Variants in SH3D19 observed in about 807,000 individuals in gnomAD.
SH3D19 encodes SH3 domain containing 19.
A neutral mutation model predicts 112.1 loss-of-function variants in SH3D19; 58 were observed. That is an observed-to-expected ratio of 0.52 (90% CI 0.42 to 0.64). SH3D19 has a LOEUF of 0.64. SH3D19 is among the 30% of genes least tolerant of loss of function. SH3D19 has a pLI of 0.00. For synonymous variants in SH3D19, 391 were observed against 448.5 expected (o/e 0.87, Z 1.62); for missense variants, 1,090 against 1,263.4 (o/e 0.86, Z 2.08).
At chr4:151,257,957 A>G (rs778463562) in intron 1 of SH3D19, among the ~76,000 whole-genome samples, 10 of 152,236 alleles carry the variant, frequency 6.6e-5, no homozygotes, top group Non-Finnish European at 1.2e-4. Context: ...AGAGCCAGGA[A>G]TGAGGCTGAA....
At chr4:151,134,859 T>C (rs925991725) in intron 15 of SH3D19, among the ~76,000 whole-genome samples, 2 of 152,206 alleles carry the variant, frequency 1.3e-5, no homozygotes, top group African/African-American at 4.8e-5. Flanking sequence ...AAATAAAGAA[T>C]AAATAAATAA....
At chr4:151,301,564 GCT>G (rs1728432617) in intron 1 of SH3D19, among the ~76,000 whole-genome samples, 1 of 152,018 alleles carries the variant, frequency 6.6e-6, no homozygotes, top group Admixed American at 6.5e-5. Context: ...GGCACTCCCC[GCT>G]CTCTCTCTTC....
At chr4:151,195,993 C>T (rs77852985) in intron 2 of SH3D19, among the ~76,000 whole-genome samples, 9,278 of 151,058 alleles carry the variant, frequency 0.061, 451 homozygotes, top group East Asian at 0.19. Flanking sequence ...TATATATATG[C>T]AAAGGGGTGA....
intron 8 of SH3D19, 68 bp from the exon 9 acceptor site, chr4:151,159,420 C>A: frequency 2.1e-6 from 2 of 934,014 alleles, no homozygotes; most frequent in Non-Finnish European, 3.3e-6. Flanking sequence ...GAAATGATTG[C>A]TGCTTAGTTT....
At chr4:151,188,794 G>A (rs1172482090) in intron 2 of SH3D19, among the ~76,000 whole-genome samples, 1 of 152,196 alleles carries the variant, frequency 6.6e-6, no homozygotes, top group Non-Finnish European at 1.5e-5. Flanking sequence ...CCCTCAAAAA[G>A]AAATGTTGAT....
At chr4:151,141,227 G>C (rs980577501) in intron 12 of SH3D19, 1 of 151,930 alleles carries the variant, frequency 6.6e-6, no homozygotes, top group Non-Finnish European at 1.5e-5. Flanking sequence ...CAGGGGTTAA[G>C]TTATCCTCCC....
chr4:151,237,111 C>G (rs114017713), intron 1 of SH3D19, among the ~76,000 whole-genome samples: 4 of 151,974 alleles, frequency 2.6e-5, no homozygotes, highest in African/African-American at 4.8e-5. Context: ...ACATGCACCG[C>G]GAAAGTCTGC....
chr4:151,163,994 A>G (rs1296592042), intron 8 of SH3D19, among the ~76,000 whole-genome samples: 1 of 152,176 alleles, frequency 6.6e-6, no homozygotes, highest in African/African-American at 2.4e-5. Flanking sequence ...TCTCCTCCAC[A>G]TTCTTCATAG....
At chr4:151,143,619 T>A (rs1753404862) in intron 12 of SH3D19, among the ~76,000 whole-genome samples, 1 of 151,446 alleles carries the variant, frequency 6.6e-6, no homozygotes, top group African/African-American at 2.4e-5. Flanking sequence ...ATTTACTTTA[T>A]TTTTTTATTT....
chr4:151,244,199 AAAC>A lies in SH3D19; in HGVS notation c.113-18116_113-18114del, dbSNP rs55872637. On this transcript the variant is annotated intron_variant, in intron 1 of 19. Coordinates refer to ENST00000604030, the MANE Select transcript of SH3D19 (RefSeq NM_001378122.1). ...ATACCACAGAATCTTCCCACATCTC[AAAC>A]AACAACAACAACAACAACAACAACA... Among the ~76,000 whole-genome samples the A allele has an allele frequency of 4.2e-3, 628 of 151,078 alleles. 3 individuals carry two copies. Among genetic ancestry groups the A allele is most frequent in the African/African-American group, 0.013 (548 of 41,244 alleles).
At position 151,137,744 on chromosome 4, in the gene SH3D19, A is replaced by G. The variant is rs1462171912; in HGVS notation, c.2415T>C (p.Tyr805=). 5 of 1,602,176 alleles carry G rather than the reference A, an allele frequency of 3.1e-6. No individual in the cohort carries two copies. Among genetic ancestry groups the G allele is most frequent in the Non-Finnish European group, 3.4e-6 (4 of 1,175,486 alleles). Residue 805 remains tyrosine (Y), a synonymous_variant, in exon 14 of 20, where the codon TAT becomes TAC. Transcript: ENST00000604030. ...RNQIGIFPAN[Y]VKVIIDIPEG... is the part of the protein sequence containing the mutation. The stretch of plus-strand genomic sequence containing the variant: ...ACAACCCACTTACAATCACTTTGAC[A>G]TAGTTGGCAGGAAATATGCCAATCT...
At chr4:151,308,503 C>T (rs1275254040) in intron 1 of SH3D19, among the ~76,000 whole-genome samples, 1 of 152,230 alleles carries the variant, frequency 6.6e-6, no homozygotes, top group Non-Finnish European at 1.5e-5. Context: ...TGCCATCTTG[C>T]CCCAAAGGGA....
At chr4:151,140,676 C>G (rs1166216750) in intron 12 of SH3D19, 2 of 152,222 alleles carry the variant, frequency 1.3e-5, no homozygotes, top group Non-Finnish European at 2.9e-5. Context: ...TAACTTAACA[C>G]TCTTCAACAC....
chr4:151,312,854 T>C (rs999507540), intron 1 of SH3D19, among the ~76,000 whole-genome samples: 11 of 151,028 alleles, frequency 7.3e-5, no homozygotes, highest in African/African-American at 2.4e-4. Flanking sequence ...TGAGCCAAGA[T>C]TGCACCACTG....
intron 2 of SH3D19, among the ~76,000 whole-genome samples, chr4:151,224,604 G>C (rs962082053): frequency 1.3e-5 from 2 of 152,142 alleles, no homozygotes; most frequent in Non-Finnish European, 2.9e-5. Context: ...GAATGTCAAA[G>C]GTCTTGGGGA....
intron 1 of SH3D19, chr4:151,226,435 C>T: frequency 1.0e-6 from 1 of 1,003,076 alleles, no homozygotes; most frequent in East Asian, 9.8e-5. Flanking sequence ...CCACAGATTA[C>T]TCAGCTCAAA....
intron 3 of SH3D19, among the ~76,000 whole-genome samples, chr4:151,184,199 G>A (rs1284538023): frequency 6.6e-6 from 1 of 152,144 alleles, no homozygotes; most frequent in Non-Finnish European, 1.5e-5. Context: ...GAATCATTAT[G>A]AAATAAGTTG....
At chr4:151,122,995 G>T (rs547960280) in intron 19 of SH3D19, among the ~76,000 whole-genome samples, 1 of 151,924 alleles carries the variant, frequency 6.6e-6, no homozygotes, top group Non-Finnish European at 1.5e-5. Flanking sequence ...GGGGTTACAG[G>T]TGCCTGCCAC....
At chr4:151,123,493 C>T (rs1272223613) in intron 19 of SH3D19, among the ~76,000 whole-genome samples, 3 of 152,156 alleles carry the variant, frequency 2.0e-5, no homozygotes, top group Admixed American at 1.3e-4. Flanking sequence ...GACAAAGTCT[C>T]GCTCTGTGGC....
Sources: gnomAD v4.1 joint callset for allele counts (sites outside exome capture counted in the v4.1 genomes callset) on GRCh38, gnomAD v4.1.1 for gene constraint, MANE v1.5 for transcripts, NCBI Gene and HGNC (gene_info 2026-07-23, HGNC 2026-07-21) for gene names.